The following ROBO2 variants were observed in gnomAD, a reference collection of about 807,000 sequenced individuals.
ROBO2 encodes roundabout homolog 2.
In ROBO2, 53 loss-of-function variants were observed where a neutral mutation model predicts 160.8. The observed-to-expected ratio is 0.33, with a 90% CI of 0.26 to 0.41. ROBO2 has a LOEUF of 0.41. ROBO2 is among the 10% of genes least tolerant of loss of function. The pLI, the probability that ROBO2 is intolerant of heterozygous loss-of-function variation, is 1.00. For synonymous variants in ROBO2, 664 were observed against 611.7 expected, an observed-to-expected ratio of 1.09 and a Z score of -1.26; for missense variants, 1,577 against 1,722.4, an observed-to-expected ratio of 0.92 and a Z score of 1.49.
At chr3:76,490,371 T>C (rs2079749458) in intron 2 of ROBO2, among the ~76,000 whole-genome samples, 1 of 152,208 alleles carries the variant, frequency 6.6e-6, no homozygotes, top group African/African-American at 2.4e-5. Context: ...TTCTCTCCTT[T>C]TGGGTCAATG....
chr3:77,580,100 C>G, exon 16 of ROBO2: 6 of 1,613,646 alleles, frequency 3.7e-6, no homozygotes, highest in Non-Finnish European at 5.1e-6. Flanking sequence ...AAAGAGTGAG[C>G]CACAGCCAAT....
chr3:75,937,815 T>C (rs1056437897), intron 2 of ROBO2, among the ~76,000 whole-genome samples: 2 of 143,614 alleles, frequency 1.4e-5, no homozygotes, highest in East Asian at 2.1e-4. Context: ...CTTTCTGAAA[T>C]TGGCTTTTAT....
intron 2 of ROBO2, among the ~76,000 whole-genome samples, chr3:76,326,589 G>A: frequency 6.6e-6 from 1 of 151,684 alleles, no homozygotes; most frequent in Non-Finnish European, 1.5e-5. Flanking sequence ...TTATTCATAT[G>A]CAGAATTATT....
intron 2 of ROBO2, among the ~76,000 whole-genome samples, chr3:76,852,535 G>C (rs1577047035): frequency 6.6e-6 from 1 of 152,176 alleles, no homozygotes; most frequent in African/African-American, 2.4e-5. Flanking sequence ...GGATGCTTCA[G>C]AGTTGTTGAA....
intron 1 of ROBO2, among the ~76,000 whole-genome samples, chr3:77,044,128 A>C (rs2064378589): frequency 6.6e-6 from 1 of 152,154 alleles, no homozygotes. Context: ...TGGACCATAA[A>C]AAAAAAGGAT....
intron 2 of ROBO2, among the ~76,000 whole-genome samples, chr3:76,842,869 A>C (rs1215526867): frequency 6.6e-6 from 1 of 152,132 alleles, no homozygotes; most frequent in Non-Finnish European, 1.5e-5. Context: ...CCAGCTTGAC[A>C]TGAATGAGTT....
chr3:77,415,134 T>C (rs759118110), intron 2 of ROBO2, among the ~76,000 whole-genome samples: 2 of 152,196 alleles, frequency 1.3e-5, no homozygotes, highest in Non-Finnish European at 2.9e-5. Flanking sequence ...TAGTGTCAGT[T>C]GTTTGTAAGT....
At chr3:77,541,227 G>A (rs2092448060) in intron 6 of ROBO2, among the ~76,000 whole-genome samples, 2 of 152,166 alleles carry the variant, frequency 1.3e-5, no homozygotes, top group Non-Finnish European at 2.9e-5. Flanking sequence ...CCTGCCATAG[G>A]AAGTCATATT....
chr3:77,297,057 A>G (rs1580836840), intron 2 of ROBO2, among the ~76,000 whole-genome samples: 1 of 151,708 alleles, frequency 6.6e-6, no homozygotes, highest in South Asian at 2.1e-4. Flanking sequence ...TTTAGTCTGG[A>G]GTTATCACAA....
intron 2 of ROBO2, among the ~76,000 whole-genome samples, chr3:76,248,032 C>T (rs377145583): frequency 6.6e-6 from 1 of 152,006 alleles, no homozygotes; most frequent in East Asian, 1.9e-4. Flanking sequence ...AACACTTTTA[C>T]ACTGTTGGTG....
intron 2 of ROBO2, among the ~76,000 whole-genome samples, chr3:76,282,961 TA>T (rs2107674373): frequency 6.6e-6 from 1 of 150,638 alleles, no homozygotes; most frequent in South Asian, 2.1e-4. Flanking sequence ...CAGATTGAGA[TA>T]TTTTTTCTTT....
chr3:77,175,124 G>A (rs1460182392), intron 2 of ROBO2, among the ~76,000 whole-genome samples: 2 of 151,960 alleles, frequency 1.3e-5, no homozygotes, highest in Non-Finnish European at 2.9e-5. Flanking sequence ...TGCCGATGTG[G>A]AAACTGAGTC....
intron 2 of ROBO2, among the ~76,000 whole-genome samples, chr3:76,865,585 G>A (rs1373849338): frequency 6.6e-6 from 1 of 152,092 alleles, no homozygotes; most frequent in Non-Finnish European, 1.5e-5. Context: ...TAACTTAAAA[G>A]TATGGATCAC....
chr3:77,353,240 G>T (rs898084621), intron 2 of ROBO2, among the ~76,000 whole-genome samples: 1 of 152,112 alleles, frequency 6.6e-6, no homozygotes, highest in Non-Finnish European at 1.5e-5. Flanking sequence ...ATATTTCTGC[G>T]ATGTGGGCCA....
At chr3:76,601,837 G>A (rs1339922275) in intron 2 of ROBO2, among the ~76,000 whole-genome samples, 1 of 152,182 alleles carries the variant, frequency 6.6e-6, no homozygotes, top group Non-Finnish European at 1.5e-5. Context: ...CTCAGAAAAT[G>A]GGTTTTTCTT....
intron 2 of ROBO2, among the ~76,000 whole-genome samples, chr3:76,573,140 T>A (rs936865568): frequency 1.3e-5 from 2 of 152,110 alleles, no homozygotes; most frequent in African/African-American, 2.4e-5. Flanking sequence ...TGCTTTTGTG[T>A]AGCGAAAAGG....
chr3:76,018,954 A>G (rs777037560), intron 2 of ROBO2, among the ~76,000 whole-genome samples: 25 of 150,356 alleles, frequency 1.7e-4, no homozygotes, highest in South Asian at 4.2e-4. Context: ...GTATTCCTTC[A>G]AATTGGCTAA....
intron 2 of ROBO2, among the ~76,000 whole-genome samples, chr3:76,901,568 CAAAAAAAAAAAAA>C (rs34372046): frequency 5.3e-5 from 4 of 75,878 alleles, no homozygotes. Flanking sequence ...AATTTCATCT[CAAAAAAAAAAAAA>C]AAAAAAAAGA....
chr3:77,484,041 T>A (rs1011244957), intron 4 of ROBO2, among the ~76,000 whole-genome samples: 1 of 151,950 alleles, frequency 6.6e-6, no homozygotes, highest in Non-Finnish European at 1.5e-5. Flanking sequence ...ATATGATCGG[T>A]GTAACCTAAC....
Sources: allele counts gnomAD v4.1 joint callset (sites outside exome capture counted in the v4.1 genomes callset), GRCh38; gene constraint gnomAD v4.1.1; transcripts MANE v1.5; gene names NCBI Gene and HGNC (gene_info 2026-07-23, HGNC 2026-07-21).